Variants in MYO3B observed in about 807,000 individuals in gnomAD.
The protein encoded by MYO3B is myosin IIIB.
In MYO3B, 156 loss-of-function variants were observed where a neutral mutation model predicts 174.6. The observed-to-expected ratio is 0.89, with a 90% CI of 0.78 to 1.02. The LOEUF (loss-of-function observed/expected upper bound fraction) is 1.02. MYO3B is among the 50% of genes least tolerant of loss of function. MYO3B has a pLI of 0.00. For synonymous variants in MYO3B, 563 were observed against 569.1 expected, an observed-to-expected ratio of 0.99 and a Z score of 0.15; for missense variants, 1,632 against 1,639.4, an observed-to-expected ratio of 1.00 and a Z score of 0.08.
rs1050200597 is a variant in MYO3B at position 170,383,940 on chromosome 2, A to C, written c.1290+126A>C. On this transcript the variant is annotated intron_variant, in intron 12 of 34. Coordinates refer to ENST00000408978, the MANE Select transcript of MYO3B (RefSeq NM_138995.5). ...GCTGGTGCTGACCCAAAGAGACAGG[A>C]GATGAAGTGGCAGCTCTGTGGAACT... 3.1e-5 allele frequency: 22 copies of C among 705,004 alleles called. No homozygotes were observed. The African/African-American group carries it at 3.4e-4, about 11-fold the overall frequency. The allele number at this position is 705,004 out of a possible 1,614,324, so 43.7% of individuals were successfully genotyped here.
intron 32 of MYO3B, among the ~76,000 whole-genome samples, chr2:170,586,889 A>G (rs1693525760): frequency 6.6e-6 from 1 of 152,240 alleles, no homozygotes; most frequent in Non-Finnish European, 1.5e-5. Context: ...TAATTCTTCC[A>G]GAACTTCTAC....
chr2:170,419,381 T>G (rs2094601036), intron 22 of MYO3B, among the ~76,000 whole-genome samples: 1 of 152,186 alleles, frequency 6.6e-6, no homozygotes, highest in Non-Finnish European at 1.5e-5. Context: ...AGGTTTGGTT[T>G]CTTGTGAGGC....
chr2:170,543,841 T>C, intron 31 of MYO3B, 51 bp from the exon 32 acceptor site: 1 of 1,468,506 alleles, frequency 6.8e-7, no homozygotes, highest in Non-Finnish European at 9.5e-7. Context: ...TCCTTAAGGC[T>C]GTTTCATCAG....
intron 3 of MYO3B, among the ~76,000 whole-genome samples, chr2:170,212,598 C>T (rs975631505): frequency 6.6e-6 from 1 of 151,138 alleles, no homozygotes; most frequent in Non-Finnish European, 1.5e-5. Context: ...TTGGTAGACA[C>T]ATAAAAGGGT....
At chr2:170,552,740 A>G (rs1425622344) in intron 32 of MYO3B, among the ~76,000 whole-genome samples, 1 of 152,190 alleles carries the variant, frequency 6.6e-6, no homozygotes, top group Non-Finnish European at 1.5e-5. Flanking sequence ...TAGCCAAAAC[A>G]ATGGAAAAAA....
chr2:170,327,860 C>CATATATATAT (rs201033292), intron 7 of MYO3B, among the ~76,000 whole-genome samples: 1,165 of 102,474 alleles, frequency 0.011, 7 homozygotes, highest in East Asian at 0.055. Context: ...GAATTATTAG[C>CATATATATAT]ATATATATAT....
chr2:170,383,587 C>A, intron 11 of MYO3B, 123 bp from the exon 12 acceptor site: 1 of 723,938 alleles, frequency 1.4e-6, no homozygotes, highest in South Asian at 1.7e-5. Flanking sequence ...AGAACCTATA[C>A]CCTACAGTCT....
At chr2:170,470,633 T>G (rs1326979239) in intron 25 of MYO3B, among the ~76,000 whole-genome samples, 1 of 152,208 alleles carries the variant, frequency 6.6e-6, no homozygotes, top group East Asian at 1.9e-4. Context: ...GAGTAGAATT[T>G]CTTGGTCATA....
Position 170,407,775 on chromosome 2 carries a change from G to T in MYO3B, c.2581G>T (p.Val861Phe). The change falls in exon 22 of 35, where the codon GTT becomes TTT. Residue 861 changes from valine to phenylalanine, a missense_variant. By Grantham distance (50) the Val-to-Phe change is conservative (BLOSUM62 -1). Transcript: ENST00000408978. ...KNRDTLPADV[V>F]VVLRTSENKL... Reference sequence around the variant, plus strand: ...TAGAGACACTCTCCCTGCCGATGTGGTTGTGGTCCTGAGAACGTCAGAAAA... The same window carrying T: ...TAGAGACACTCTCCCTGCCGATGTGTTTGTGGTCCTGAGAACGTCAGAAAA... The T allele has an allele frequency of 6.2e-7, 1 of 1,614,128 alleles. No individual in the cohort carries two copies. Among genetic ancestry groups the T allele is most frequent in the Non-Finnish European group, 8.5e-7 (1 of 1,179,976 alleles).
intron 32 of MYO3B, among the ~76,000 whole-genome samples, chr2:170,551,403 C>T (rs1690896394): frequency 8.9e-6 from 1 of 112,810 alleles, no homozygotes; most frequent in South Asian, 2.9e-4. Flanking sequence ...TGGAGTCTTA[C>T]TCTGCCACAC....
intron 22 of MYO3B, among the ~76,000 whole-genome samples, chr2:170,423,226 A>G (rs1406342499): frequency 1.3e-5 from 2 of 151,908 alleles, no homozygotes; most frequent in East Asian, 3.9e-4. Flanking sequence ...CAGGTGATCC[A>G]CCCACCTTGG....
intron 22 of MYO3B, among the ~76,000 whole-genome samples, chr2:170,434,100 A>C (rs976635028): frequency 6.6e-6 from 1 of 152,214 alleles, no homozygotes; most frequent in African/African-American, 2.4e-5. Context: ...AGTTACTTCA[A>C]TTTATCGAAT....
chr2:170,404,293 A>G lies in MYO3B; in HGVS notation c.2324A>G (p.Glu775Gly). Residue 775 changes from glutamate (E) to glycine (G), a missense_variant, in exon 20 of 35, where the codon GAG becomes GGG. Coordinates refer to ENST00000408978, the MANE Select transcript of MYO3B (RefSeq NM_138995.5). ...EGIDAVPVEY[E>G]DNRPLLDMFL... ...ATTGATGCTGTACCCGTGGAATATGAGGACAACCGCCCGCTCTTGGACATG... is the reference window on the plus strand; with the variant it reads ...ATTGATGCTGTACCCGTGGAATATGGGGACAACCGCCCGCTCTTGGACATG... The G allele has an allele frequency of 6.2e-7, 1 of 1,613,458 alleles. No homozygotes were observed. Among genetic ancestry groups the G allele is most frequent in the South Asian group, 1.1e-5 (1 of 90,994 alleles).
chr2:170,379,245 C>A (rs1040770543), intron 9 of MYO3B, among the ~76,000 whole-genome samples: 3 of 145,216 alleles, frequency 2.1e-5, no homozygotes, highest in Admixed American at 7.0e-5. Flanking sequence ...GCCAGGTTGG[C>A]ATGCAGTGGC....
chr2:170,431,156 C>T (rs2094705445), intron 22 of MYO3B, among the ~76,000 whole-genome samples: 1 of 152,012 alleles, frequency 6.6e-6, no homozygotes, highest in African/African-American at 2.4e-5. Flanking sequence ...GTAGTATAGG[C>T]TCTTGTACTT....
At chr2:170,629,850 A>AAAAC (rs1229804424) in intron 32 of MYO3B, among the ~76,000 whole-genome samples, 13 of 152,154 alleles carry the variant, frequency 8.5e-5, no homozygotes, top group Admixed American at 7.9e-4. Context: ...ACTCTATCTA[A>AAAAC]AAACAAACAA....
chr2:170,514,819 G>A, intron 28 of MYO3B, 102 bp from the exon 29 acceptor site: 1 of 948,256 alleles, frequency 1.1e-6, no homozygotes, highest in South Asian at 1.7e-5. Flanking sequence ...TGAACCGTAA[G>A]AAAAGTGTGG....
chr2:170,554,334 G>T (rs994660284), intron 32 of MYO3B, among the ~76,000 whole-genome samples: 1 of 152,168 alleles, frequency 6.6e-6, no homozygotes, highest in Middle Eastern at 3.2e-3. Context: ...AAAGAATCAG[G>T]ATGAAAAGGA....
chr2:170,487,055 T>C (rs1336130133), intron 25 of MYO3B, among the ~76,000 whole-genome samples: 1 of 152,244 alleles, frequency 6.6e-6, no homozygotes, highest in African/African-American at 2.4e-5. Flanking sequence ...ATTCTATGTC[T>C]GGAGTGTGGC....
Sources: gnomAD v4.1 joint callset for allele counts (sites outside exome capture counted in the v4.1 genomes callset) on GRCh38, gnomAD v4.1.1 for gene constraint, MANE v1.5 for transcripts, NCBI Gene and HGNC (gene_info 2026-07-23, HGNC 2026-07-21) for gene names.